Variants in NT5M observed in about 807,000 individuals in gnomAD.
The protein encoded by NT5M is 5'(3')-deoxyribonucleotidase, mitochondrial.
NT5M carries 22 observed loss-of-function variants against 22.2 expected under a neutral mutation model. The ratio of observed to expected loss-of-function variants is 0.99; its 90% CI spans 0.71 to 1.41. The LOEUF is 1.41. Among genes scored for constraint, NT5M ranks in the 40% most tolerant of loss-of-function variants. NT5M has a pLI of 0.00. For missense variants in NT5M, 322 were observed against 314.8 expected, an observed-to-expected ratio of 1.02 and a Z score of -0.17; for synonymous variants, 167 against 133.0, an observed-to-expected ratio of 1.26 and a Z score of -1.76.
intron 3 of NT5M, among the ~76,000 whole-genome samples, chr17:17,324,541 C>T (rs962496499): frequency 4.6e-5 from 7 of 151,822 alleles, no homozygotes; most frequent in South Asian, 2.1e-4. Flanking sequence ...GCCAACATAG[C>T]GTGCCCTCTG....
chr17:17,319,047 C>G (rs2049096202), intron 2 of NT5M, among the ~76,000 whole-genome samples: 1 of 151,678 alleles, frequency 6.6e-6, no homozygotes, highest in Non-Finnish European at 1.5e-5. Flanking sequence ...CCCACCTCTA[C>G]TAAAAATACA....
intron 2 of NT5M, among the ~76,000 whole-genome samples, chr17:17,321,781 G>A (rs143998686): frequency 1.4e-3 from 219 of 151,990 alleles, no homozygotes; most frequent in African/African-American, 5.1e-3. Context: ...GGATGGCAGC[G>A]AAGGCTGGGC....
At chr17:17,305,638 A>G (rs1343061096) in intron 1 of NT5M, among the ~76,000 whole-genome samples, 1 of 151,954 alleles carries the variant, frequency 6.6e-6, no homozygotes, top group Non-Finnish European at 1.5e-5. Context: ...GTCTTTCTGT[A>G]GTGTGCAGAA....
At chr17:17,334,744 G>T (rs9898042) in intron 3 of NT5M, among the ~76,000 whole-genome samples, 32,680 of 152,032 alleles carry the variant, frequency 0.21, 3,660 homozygotes, top group South Asian at 0.28. Context: ...AAAGTGCTGG[G>T]ATTACAGGCG....
chr17:17,331,857 T>C (rs912604070), intron 3 of NT5M, among the ~76,000 whole-genome samples: 1 of 151,324 alleles, frequency 6.6e-6, no homozygotes, highest in African/African-American at 2.5e-5. Context: ...CTCTGCTCAC[T>C]GCAAGCTCCG....
At chr17:17,308,833 A>G (rs1316102696) in intron 2 of NT5M, among the ~76,000 whole-genome samples, 1 of 152,182 alleles carries the variant, frequency 6.6e-6, no homozygotes, top group African/African-American at 2.4e-5. Flanking sequence ...GGGATTTCAT[A>G]TAAATGGCAT....
intron 3 of NT5M, chr17:17,333,482 CT>C (rs983880257): frequency 7.3e-5 from 11 of 151,194 alleles, no homozygotes; most frequent in East Asian, 1.9e-4. Flanking sequence ...TTTTAAAACA[CT>C]TTTTTTTTGT....
At chr17:17,320,720 C>T (rs1166071169) in intron 2 of NT5M, among the ~76,000 whole-genome samples, 2 of 152,048 alleles carry the variant, frequency 1.3e-5, no homozygotes, top group South Asian at 2.1e-4. Context: ...TGAGAGCCCC[C>T]GAGGGCCTAG....
At chr17:17,315,251 A>G (rs956041982) in intron 2 of NT5M, among the ~76,000 whole-genome samples, 1 of 152,188 alleles carries the variant, frequency 6.6e-6, no homozygotes, top group Non-Finnish European at 1.5e-5. Context: ...CAGTTTATTC[A>G]TGGGTTCATT....
chr17:17,338,145 C>A (rs937651571), intron 3 of NT5M, among the ~76,000 whole-genome samples: 1 of 151,434 alleles, frequency 6.6e-6, no homozygotes, highest in Admixed American at 6.6e-5. Context: ...GCACCTTTGT[C>A]AAAAATGAGT....
At chr17:17,306,675 TTGTC>T (rs1253837136) in intron 2 of NT5M, 32 bp downstream of exon 2, 3 of 1,469,768 alleles carry the variant, frequency 2.0e-6, no homozygotes, top group Non-Finnish European at 2.9e-6. Flanking sequence ...CTCAGTAAGT[TTGTC>T]TGAGCAGCCA....
chr17:17,337,346 A>T (rs1350415246), intron 3 of NT5M, among the ~76,000 whole-genome samples: 1 of 151,948 alleles, frequency 6.6e-6, no homozygotes, highest in Non-Finnish European at 1.5e-5. Context: ...GACTGAAGCT[A>T]TCTTTCCACC....
chr17:17,315,814 G>C (rs1466761283), intron 2 of NT5M, among the ~76,000 whole-genome samples: 1 of 146,996 alleles, frequency 6.8e-6, no homozygotes, highest in African/African-American at 2.6e-5. Context: ...GAGTGCAGCG[G>C]TGTGATCCCA....
chr17:17,338,726 ATT>A (rs34156759), intron 3 of NT5M, among the ~76,000 whole-genome samples: 928 of 41,334 alleles, frequency 0.022, 14 homozygotes, highest in African/African-American at 0.078. Flanking sequence ...TGTCATTGGT[ATT>A]TTTTTTTTTT....
At chr17:17,343,351 T>C (rs2142383728) in intron 3 of NT5M, among the ~76,000 whole-genome samples, 1 of 152,038 alleles carries the variant, frequency 6.6e-6, no homozygotes, top group African/African-American at 2.4e-5. Flanking sequence ...CATAATACAG[T>C]CAAGCAGTGA....
intron 3 of NT5M, among the ~76,000 whole-genome samples, chr17:17,341,842 A>G (rs1307937493): frequency 1.3e-5 from 2 of 152,216 alleles, no homozygotes; most frequent in African/African-American, 4.8e-5. Flanking sequence ...CAGCCTGGCC[A>G]ACGTGGTGAA....
intron 2 of NT5M, among the ~76,000 whole-genome samples, chr17:17,310,715 G>A (rs934789442): frequency 2.7e-5 from 4 of 146,766 alleles, no homozygotes; most frequent in Non-Finnish European, 6.0e-5. Flanking sequence ...GTGCGTGCCT[G>A]TGATCCCAGC....
chr17:17,303,838 C>CCGCGCCGGGCCTCCTTCT (rs2048734141), intron 1 of NT5M, 21 bp downstream of exon 1: 1 of 1,372,092 alleles, frequency 7.3e-7, no homozygotes, highest in East Asian at 3.0e-5. Flanking sequence ...CCGCCCCGCC[C>CCGCGCCGGGCCTCCTTCT]CGCGCCGGGC....
At chr17:17,335,327 G>A (rs916731980) in intron 3 of NT5M, among the ~76,000 whole-genome samples, 1 of 149,862 alleles carries the variant, frequency 6.7e-6, no homozygotes. Context: ...GTATGATCTC[G>A]GCTCACTGCA....
Sources: gnomAD v4.1 joint callset for allele counts (sites outside exome capture counted in the v4.1 genomes callset) on GRCh38, gnomAD v4.1.1 for gene constraint, MANE v1.5 for transcripts, NCBI Gene and HGNC (gene_info 2026-07-23, HGNC 2026-07-21) for gene names.